MS4A4E: variants seen among roughly 807,000 people sequenced by gnomAD.
The protein encoded by MS4A4E is membrane spanning 4-domains A4E.
A neutral mutation model predicts 13.3 loss-of-function variants in MS4A4E; 23 were observed. That is an observed-to-expected ratio of 1.73 (90% CI 1.25 to 2.45). The LOEUF is 2.45. Ranked by LOEUF, MS4A4E falls within the 30% of genes most tolerant of loss-of-function variation. The pLI, the probability that MS4A4E is intolerant of heterozygous loss-of-function variation, is 0.00. For missense variants in MS4A4E, 144 were observed against 131.2 expected, an observed-to-expected ratio of 1.10 and a Z score of -0.48; for synonymous variants, 36 against 45.6, an observed-to-expected ratio of 0.79 and a Z score of 0.85.
At chr11:60,210,111 A>G (rs2084100640) in intron 5 of MS4A4E, among the ~76,000 whole-genome samples, 1 of 152,278 alleles carries the variant, frequency 6.6e-6, no homozygotes, top group Admixed American at 6.5e-5. Context: ...TCTCTGGCAC[A>G]CACATTCAAA....
In MS4A4E at chr11:60,233,420, C is replaced by T. The variant is rs114558407; in HGVS notation, c.-16-3349G>A. ...AGAATCAGTCTCAATTCCATCCCTG[C>T]TCCATGGGCTTGAGTTACTGAGGTG... On this transcript the variant is annotated intron_variant, in intron 1 of 8. Transcript: ENST00000651255. Among the ~76,000 whole-genome samples the T allele has an allele frequency of 2.5e-3, 385 of 152,342 alleles. 1 individual carries two copies. Among genetic ancestry groups the T allele is most frequent in the African/African-American group, 8.5e-3 (354 of 41,576 alleles).
intron 1 of MS4A4E, among the ~76,000 whole-genome samples, chr11:60,231,780 A>C (rs2084414134): frequency 6.6e-6 from 1 of 152,194 alleles, no homozygotes; most frequent in Non-Finnish European, 1.5e-5. Flanking sequence ...ACAAAAAGAC[A>C]TGCTTAGAAA....
intron 1 of MS4A4E, among the ~76,000 whole-genome samples, chr11:60,239,037 G>T (rs979573147): frequency 3.9e-5 from 6 of 152,168 alleles, no homozygotes; most frequent in African/African-American, 1.4e-4. Flanking sequence ...TAGTCAAAAG[G>T]TGCAAACAAC....
chr11:60,214,146 T>C (rs603568), intron 4 of MS4A4E, among the ~76,000 whole-genome samples: 60,801 of 151,892 alleles, frequency 0.4, 12,634 homozygotes, highest in East Asian at 0.42. Context: ...CTTCAAATGA[T>C]CCACTCACCT....
intron 3 of MS4A4E, among the ~76,000 whole-genome samples, chr11:60,215,686 A>G (rs2084183570): frequency 6.6e-6 from 1 of 151,924 alleles, no homozygotes; most frequent in Non-Finnish European, 1.5e-5. Flanking sequence ...ATTATGTATT[A>G]CTATTTGGGG....
At chr11:60,218,614 G>A (rs1480988608) in intron 3 of MS4A4E, among the ~76,000 whole-genome samples, 3 of 152,044 alleles carry the variant, frequency 2.0e-5, no homozygotes, top group East Asian at 3.9e-4. Flanking sequence ...CAGGTTCCCC[G>A]ATAGTGATGG....
At position 60,201,725 on chromosome 11, in the gene MS4A4E, C is replaced by T. The variant is rs113550747; in HGVS notation, c.814G>A (p.Val272Ile). ...CAGACGATAGGCGGCCAGGCAGAGACGCTCCTCACTTCCCAGACGGGGTGG... is the reference window on the plus strand; with the variant it reads ...CAGACGATAGGCGGCCAGGCAGAGATGCTCCTCACTTCCCAGACGGGGTGG... ...GRHPVWEVRS[V>I]SAWPPIVWDV... is the part of the protein sequence containing the mutation. Residue 272 changes from valine (V) to isoleucine (I), a missense_variant, in exon 9 of 9, where the codon GTC (valine) becomes ATC (isoleucine). Around this residue, in one of 3 missense-constraint regions of MS4A4E, gnomAD observed 21 missense variants for 25.1 expected, o/e 0.84. Coordinates refer to ENST00000651255, the MANE Select transcript of MS4A4E (RefSeq NM_001393391.1). 9 of 238,866 alleles carry T rather than the reference C, an allele frequency of 3.8e-5. No homozygotes were observed. Among genetic ancestry groups the T allele is most frequent in the Middle Eastern group, 1.5e-3 (1 of 674 alleles). The allele number at this position is 238,866 out of a possible 1,614,324, so 14.8% of individuals were successfully genotyped here. A position where few individuals can be genotyped will look rare whatever the true frequency, so the allele number is the denominator to read the frequency against.
At chr11:60,224,545 T>G (rs2084316899) in intron 3 of MS4A4E, among the ~76,000 whole-genome samples, 1 of 152,248 alleles carries the variant, frequency 6.6e-6, no homozygotes, top group Non-Finnish European at 1.5e-5. Flanking sequence ...TTTGGGCATA[T>G]GTATATAAAA....
At chr11:60,236,532 C>G (rs538203748) in intron 1 of MS4A4E, among the ~76,000 whole-genome samples, 2 of 151,292 alleles carry the variant, frequency 1.3e-5, no homozygotes, top group Non-Finnish European at 2.9e-5. Context: ...AAATTTTGTT[C>G]TATTTGAAAC....
intron 7 of MS4A4E, among the ~76,000 whole-genome samples, 120 bp from the exon 8 acceptor site, chr11:60,205,078 A>G (rs190734326): frequency 2.0e-4 from 30 of 152,218 alleles, no homozygotes; most frequent in African/African-American, 6.5e-4. Context: ...GAGAAATCCT[A>G]TATACTGAGT....
At chr11:60,216,765 A>G (rs552929232) in intron 3 of MS4A4E, among the ~76,000 whole-genome samples, 17 of 152,260 alleles carry the variant, frequency 1.1e-4, no homozygotes, top group African/African-American at 4.1e-4. Context: ...GGTGTTGACA[A>G]AGGAGATTAA....
intron 4 of MS4A4E, among the ~76,000 whole-genome samples, chr11:60,213,802 C>T (rs960711354): frequency 6.6e-6 from 1 of 152,152 alleles, no homozygotes; most frequent in Middle Eastern, 3.2e-3. Flanking sequence ...GGCATCTTGA[C>T]ATGAGAGTTA....
chr11:60,225,908 G>A (rs2084335554), intron 3 of MS4A4E, among the ~76,000 whole-genome samples: 1 of 151,336 alleles, frequency 6.6e-6, no homozygotes, highest in African/African-American at 2.4e-5. Flanking sequence ...AAATCAATAA[G>A]CCTTTAGCCA....
Position 60,212,907 on chromosome 11 carries a change from T to C in MS4A4E, c.381+67A>G, listed in dbSNP as rs562051566. Among the ~76,000 whole-genome samples the C allele has an allele frequency of 8.5e-5, 13 of 152,342 alleles. No individual in the cohort carries two copies. The South Asian group carries it at 2.7e-3, about 32-fold the overall frequency. On this transcript the variant is annotated intron_variant, in intron 5 of 8. Coordinates refer to ENST00000651255, the MANE Select transcript of MS4A4E (RefSeq NM_001393391.1). Reference sequence around the variant, plus strand: ...ATTAGGAAATGATAATTATTGTTGTTGCCAGAGCCAGCACTCCCCTAAACT... The same window carrying C: ...ATTAGGAAATGATAATTATTGTTGTCGCCAGAGCCAGCACTCCCCTAAACT...
intron 1 of MS4A4E, among the ~76,000 whole-genome samples, chr11:60,232,406 T>C (rs558118370): frequency 6.6e-6 from 1 of 151,978 alleles, no homozygotes; most frequent in African/African-American, 2.4e-5. Context: ...AGAAATCTTG[T>C]AGAGCACAGA....
At chr11:60,204,277 C>T (rs1464629366) in intron 8 of MS4A4E, among the ~76,000 whole-genome samples, 1 of 152,102 alleles carries the variant, frequency 6.6e-6, no homozygotes, top group African/African-American at 2.4e-5. Flanking sequence ...AATCATCTTC[C>T]CTTGCCTTTA....
At chr11:60,206,059 A>G (rs895129102) in intron 6 of MS4A4E, among the ~76,000 whole-genome samples, 2 of 152,188 alleles carry the variant, frequency 1.3e-5, no homozygotes, top group African/African-American at 4.8e-5. Context: ...AGGACTGACT[A>G]TACTATTCCA....
chr11:60,209,332 G>T (rs2084090234), intron 5 of MS4A4E, among the ~76,000 whole-genome samples: 1 of 152,202 alleles, frequency 6.6e-6, no homozygotes, highest in Non-Finnish European at 1.5e-5. Flanking sequence ...ATGCTGCATT[G>T]CTTGATTTGA....
chr11:60,216,735 T>G (rs1213884769), intron 3 of MS4A4E, among the ~76,000 whole-genome samples: 1 of 152,110 alleles, frequency 6.6e-6, no homozygotes, highest in Non-Finnish European at 1.5e-5. Flanking sequence ...CAAAGTATTG[T>G]TCCTGGGTGT....
Sources: allele counts gnomAD v4.1 joint callset (sites outside exome capture counted in the v4.1 genomes callset), GRCh38; gene constraint gnomAD v4.1.1; regional missense constraint gnomAD v4.1.1; transcripts MANE v1.5; gene names NCBI Gene and HGNC (gene_info 2026-07-23, HGNC 2026-07-21).